Variants in EXO1 observed in about 807,000 individuals in gnomAD.
The protein encoded by EXO1 is exonuclease 1.
EXO1 carries 69 observed loss-of-function variants against 84.5 expected under a neutral mutation model. The observed-to-expected ratio is 0.82, with a 90% confidence interval of 0.67 to 1.00. EXO1 has a LOEUF of 1.00. Ranked by LOEUF, EXO1 falls within the 50% of genes least tolerant of loss-of-function variation. The pLI, the probability that EXO1 is intolerant of heterozygous loss-of-function variation, is 0.00. For missense variants in EXO1, 1,045 were observed against 1,000.7 expected, an observed-to-expected ratio of 1.04 and a Z score of -0.60; for synonymous variants, 373 against 366.1, an observed-to-expected ratio of 1.02 and a Z score of -0.21.
intron 6 of EXO1, among the ~76,000 whole-genome samples, chr1:241,856,999 G>C (rs1250990242): frequency 6.6e-6 from 1 of 152,156 alleles, no homozygotes. Context: ...CTGCCGGCTG[G>C]CACCACTGCC....
At chr1:241,888,187 C>T (rs1558150784) in intron 15 of EXO1, among the ~76,000 whole-genome samples, 1 of 152,098 alleles carries the variant, frequency 6.6e-6, no homozygotes, top group Non-Finnish European at 1.5e-5. Flanking sequence ...TTGCAGTGAA[C>T]TGAGATTGCG....
At position 241,858,786 on chromosome 1, in the gene EXO1, A is replaced by G. The variant is rs993232616; in HGVS notation, c.756+68A>G. Reference sequence around the variant, plus strand: ...TTTCCTTAATAAAATAATAAATCATAATATGGATTTAAATATTCTGTTATG... The same window carrying G: ...TTTCCTTAATAAAATAATAAATCATGATATGGATTTAAATATTCTGTTATG... On this transcript the variant is annotated intron_variant, in intron 8 of 15. Coordinates refer to ENST00000366548, the MANE Select transcript of EXO1 (RefSeq NM_130398.4). 3 of 1,015,540 alleles carry G rather than the reference A, an allele frequency of 3.0e-6. No homozygotes were observed. The Admixed American group carries it at 5.3e-5, about 18-fold the overall frequency. The allele number at this position is 1,015,540 out of a possible 1,614,324, so 62.9% of individuals were successfully genotyped here.
intron 11 of EXO1, among the ~76,000 whole-genome samples, chr1:241,868,870 TCA>T: frequency 6.6e-6 from 1 of 152,222 alleles, no homozygotes; most frequent in African/African-American, 2.4e-5. Context: ...AATAGTATTT[TCA>T]GTTTTGTTTT....
At chr1:241,855,877 G>C (rs193077909) in intron 6 of EXO1, among the ~76,000 whole-genome samples, 161 of 152,360 alleles carry the variant, frequency 1.1e-3, no homozygotes, top group Non-Finnish European at 1.7e-3. Flanking sequence ...CTCTGAGTGC[G>C]GGGCCGCCAA....
In EXO1 at chr1:241,872,069, T is replaced by G. The variant is rs770298967; in HGVS notation, c.1305T>G (p.Ser435=). ...LSEDDLLSQY[S]LSFTKKTKKN... is the part of the protein sequence containing the mutation. The stretch of plus-strand genomic sequence containing the variant: ...AAGATGACCTGTTGAGTCAGTATTC[T>G]CTTTCATTTACGAAGAAGACCAAGA... Residue 435 remains serine, a synonymous_variant, in exon 12 of 16, where the codon TCT becomes TCG. Transcript: ENST00000366548. 1.2e-6 allele frequency: 2 copies of G among 1,613,518 alleles called. No homozygotes were observed. The highest frequency in any genetic ancestry group is 1.7e-6 in the Non-Finnish European group (2 of 1,179,450).
In EXO1 at chr1:241,848,861, A is replaced by T. The variant is rs765182600; in HGVS notation, c.-289A>T. On this transcript the variant is annotated 5_prime_UTR_variant, in exon 2 of 16. Transcript: ENST00000366548. This position sits in a 1 kb window ranked among gnomAD's most constrained non-coding sequence, Gnocchi z 4.2. ...GCCACATGCGACCTCTGAGATATGT[A>T]CACAGTCATTCTTACTATCGCACTC... The T allele has an allele frequency of 2.0e-5, 3 of 152,178 alleles. No homozygotes were observed. Among genetic ancestry groups the T allele is most frequent in the Non-Finnish European group, 4.4e-5 (3 of 68,042 alleles). The allele number at this position is 152,178 out of a possible 1,614,324, so 9.4% of individuals were successfully genotyped here. A position where few individuals can be genotyped will look rare whatever the true frequency, so the allele number is the denominator to read the frequency against.
At position 241,867,631 on chromosome 1, in the gene EXO1, T is replaced by A. The variant is rs1198582216; in HGVS notation, c.1267+576T>A. Among the ~76,000 whole-genome samples the A allele has an allele frequency of 2.0e-5, 3 of 152,278 alleles. No individual in the cohort carries two copies. The East Asian group carries it at 5.8e-4, about 29-fold the overall frequency. On this transcript the variant is annotated intron_variant, in intron 11 of 15. Transcript: ENST00000366548. Reference sequence around the variant, plus strand: ...AGGATTATGGCTTTTTTTTTTAATCTTGTATATATGGCTGTCCAATTGTTC... The same window carrying A: ...AGGATTATGGCTTTTTTTTTTAATCATGTATATATGGCTGTCCAATTGTTC...
chr1:241,853,474 TA>T lies in EXO1; in HGVS notation c.400del (p.Ile134LeufsTer9), dbSNP rs1427326678. 1.9e-6 allele frequency: 3 copies of T among 1,613,762 alleles called. No individual in the cohort carries two copies. Among genetic ancestry groups the T allele is most frequent in the Non-Finnish European group, 2.5e-6 (3 of 1,179,962 alleles). ...ATCACACATGCCATGGCCCACAAAG[TA>T]ATTAAAGTAAGACAAAGGGGCAGAT... ...INITHAMAHK[V>X]IKAARSQGVD... On this transcript the variant is annotated frameshift_variant, in exon 6 of 16. Coordinates refer to ENST00000366548, the MANE Select transcript of EXO1 (RefSeq NM_130398.4). LOFTEE classifies it high-confidence loss of function.
chr1:241,875,068 A>G (rs1662314322), intron 12 of EXO1, among the ~76,000 whole-genome samples: 1 of 152,160 alleles, frequency 6.6e-6, no homozygotes, highest in African/African-American at 2.4e-5. Context: ...CAGTGGCGCC[A>G]TCTCGGCTCA....
At position 241,883,730 on chromosome 1, in the gene EXO1, A is replaced by G. The variant is rs376873874; in HGVS notation, c.2212-1584A>G. Among the ~76,000 whole-genome samples the G allele has an allele frequency of 3.9e-4, 21 of 54,440 alleles. No homozygotes were observed. The East Asian group carries it at 5.7e-3, about 15-fold the overall frequency. The allele number at this position is 54,440 out of a possible 152,430, so 35.7% of individuals were successfully genotyped here. On this transcript the variant is annotated intron_variant, in intron 14 of 15. Transcript: ENST00000366548. The stretch of plus-strand genomic sequence containing the variant: ...AGTGAAAAGGAAAAATATGTTATTA[A>G]CAATATGTATAGTGTTTTTGTTTAA...
chr1:241,867,130 G>C (rs549126891), intron 11 of EXO1, 75 bp downstream of exon 11: 8 of 1,124,598 alleles, frequency 7.1e-6, no homozygotes, highest in Non-Finnish European at 1.1e-5. Flanking sequence ...ACGCAAAGTC[G>C]CGAAGATTTT....
rs1662564346 is a variant in EXO1 at position 241,878,890 on chromosome 1, C to T, written c.1656C>T (p.Asp552=). The T allele has an allele frequency of 6.2e-7, 1 of 1,614,104 alleles. No homozygotes were observed. The change falls in exon 13 of 16, where the codon GAC becomes GAT. Residue 552 remains aspartate (D), a synonymous_variant. Transcript: ENST00000366548. ...YGDQEGKRLV[D]TDVARNSSDD... ...ACCAAGAAGGCAAGAGACTGGTTGACACAGATGTAGCACGTAATTCAAGTG... is the reference window on the plus strand; with the variant it reads ...ACCAAGAAGGCAAGAGACTGGTTGATACAGATGTAGCACGTAATTCAAGTG...
intron 12 of EXO1, among the ~76,000 whole-genome samples, chr1:241,873,110 C>A (rs895842313): frequency 2.6e-5 from 4 of 151,614 alleles, no homozygotes; most frequent in African/African-American, 9.7e-5. Flanking sequence ...TTCTAGGGTA[C>A]ATGTGTACAA....
chr1:241,858,204 A>G (rs1661171649), intron 7 of EXO1, among the ~76,000 whole-genome samples: 1 of 152,270 alleles, frequency 6.6e-6, no homozygotes, highest in Non-Finnish European at 1.5e-5. Context: ...TTTCGTATGC[A>G]TTACTGTTTG....
At chr1:241,849,881 T>C (rs1413875229) in intron 3 of EXO1, among the ~76,000 whole-genome samples, 2 of 152,256 alleles carry the variant, frequency 1.3e-5, no homozygotes, top group Non-Finnish European at 2.9e-5. Context: ...AACAGTCAAG[T>C]GGCATTAGAG....
chr1:241,877,203 A>G (rs1662452877), intron 12 of EXO1, among the ~76,000 whole-genome samples: 1 of 152,206 alleles, frequency 6.6e-6, no homozygotes, highest in Admixed American at 6.5e-5. Flanking sequence ...AGATCTGGAA[A>G]TACAAGTCAA....
At chr1:241,873,756 G>C (rs1662244582) in intron 12 of EXO1, among the ~76,000 whole-genome samples, 1 of 152,150 alleles carries the variant, frequency 6.6e-6, no homozygotes, top group South Asian at 2.1e-4. Flanking sequence ...ACGGTGTTTT[G>C]AGGGCGTTCA....
chr1:241,888,286 T>G (rs1219705746), intron 15 of EXO1, among the ~76,000 whole-genome samples: 1 of 152,138 alleles, frequency 6.6e-6, no homozygotes, highest in African/African-American at 2.4e-5. Context: ...AGGGTTGAGA[T>G]TTAATAAAAT....
At position 241,882,544 on chromosome 1, in the gene EXO1, A is replaced by G. The variant is rs555755770; in HGVS notation, c.2211+527A>G. Reference sequence around the variant, plus strand: ...ATAAATATTTGTGTTACTACATAGTAAAGCATATTTTATATATTAAGCACG... The same window carrying G: ...ATAAATATTTGTGTTACTACATAGTGAAGCATATTTTATATATTAAGCACG... On this transcript the variant is annotated intron_variant, in intron 14 of 15. Coordinates refer to ENST00000366548, the MANE Select transcript of EXO1 (RefSeq NM_130398.4). Among the ~76,000 whole-genome samples the G allele has an allele frequency of 2.6e-5, 4 of 152,330 alleles. No individual in the cohort carries two copies. The East Asian group carries it at 5.8e-4, about 22-fold the overall frequency.
Sources: gnomAD v4.1 joint callset for allele counts (sites outside exome capture counted in the v4.1 genomes callset) on GRCh38, gnomAD v4.1.1 for gene constraint, Gnocchi (gnomAD v3.1) non-coding constraint, MANE v1.5 for transcripts, NCBI Gene and HGNC (gene_info 2026-07-23, HGNC 2026-07-21) for gene names.